The following CLIC4 variants were observed in gnomAD, a reference collection of about 807,000 sequenced individuals.
CLIC4 encodes the protein CLIC family member 4.
A neutral mutation model predicts 24.6 loss-of-function variants in CLIC4; 13 were observed. The ratio of observed to expected loss-of-function variants is 0.53; its 90% CI spans 0.34 to 0.84. The LOEUF (loss-of-function observed/expected upper bound fraction) is 0.84. Ranked by LOEUF, CLIC4 falls within the 40% of genes least tolerant of loss-of-function variation. The pLI is 0.01. For synonymous variants in CLIC4, 104 were observed against 111.3 expected, an observed-to-expected ratio of 0.93 and a Z score of 0.41; for missense variants, 227 against 301.7, an observed-to-expected ratio of 0.75 and a Z score of 1.83.
At chr1:24,789,453 G>A (rs1639308502) in intron 1 of CLIC4, among the ~76,000 whole-genome samples, 1 of 152,212 alleles carries the variant, frequency 6.6e-6, no homozygotes, top group African/African-American at 2.4e-5. Flanking sequence ...AGGAGGCAGA[G>A]GTTGCAGTGA....
intron 2 of CLIC4, among the ~76,000 whole-genome samples, chr1:24,807,912 A>G (rs1168185809): frequency 6.6e-6 from 1 of 152,024 alleles, no homozygotes; most frequent in Non-Finnish European, 1.5e-5. Flanking sequence ...ATTGTTTTCC[A>G]GGTAATCACA....
intron 1 of CLIC4, among the ~76,000 whole-genome samples, chr1:24,762,169 G>A (rs1479051173): frequency 6.6e-6 from 1 of 152,158 alleles, no homozygotes; most frequent in Admixed American, 6.6e-5. Flanking sequence ...TATAATCCCA[G>A]CACTATGGAA....
chr1:24,808,679 T>A (rs1311369985), intron 2 of CLIC4, among the ~76,000 whole-genome samples: 6 of 23,104 alleles, frequency 2.6e-4, no homozygotes, highest in Middle Eastern at 0.012. Context: ...ATCTATAAAA[T>A]TTTTTTTTTT....
chr1:24,757,237 G>A (rs1638864005), intron 1 of CLIC4, among the ~76,000 whole-genome samples: 1 of 152,050 alleles, frequency 6.6e-6, no homozygotes, highest in Non-Finnish European at 1.5e-5. Flanking sequence ...CACCATGTTG[G>A]GTAGGCTGAT....
chr1:24,745,871 G>A (rs1332229361), intron 1 of CLIC4, among the ~76,000 whole-genome samples: 1 of 151,458 alleles, frequency 6.6e-6, no homozygotes, highest in East Asian at 2.0e-4. Flanking sequence ...AGGCATCGGC[G>A]GACGCCAGAC....
intron 1 of CLIC4, among the ~76,000 whole-genome samples, chr1:24,752,407 C>T (rs143723467): frequency 8.5e-5 from 13 of 152,188 alleles, no homozygotes; most frequent in South Asian, 2.1e-4. Flanking sequence ...TTAAGGGACC[C>T]GGGCTCTTTC....
At chr1:24,825,805 A>T (rs1423933472) in intron 3 of CLIC4, among the ~76,000 whole-genome samples, 2 of 152,248 alleles carry the variant, frequency 1.3e-5, no homozygotes, top group Admixed American at 6.5e-5. Context: ...CTGAATTTTG[A>T]AAACTACTTC....
chr1:24,787,965 C>T (rs890248223), intron 1 of CLIC4, among the ~76,000 whole-genome samples: 17 of 151,848 alleles, frequency 1.1e-4, no homozygotes, highest in Non-Finnish European at 1.6e-4. Flanking sequence ...AAGTGATTCT[C>T]CTCCCTCAGC....
chr1:24,791,851 G>A (rs953989837), intron 1 of CLIC4, among the ~76,000 whole-genome samples: 1 of 151,708 alleles, frequency 6.6e-6, no homozygotes, highest in African/African-American at 2.4e-5. Flanking sequence ...ACTCCAGCCT[G>A]GGTGACAAGA....
chr1:24,791,357 G>C (rs1009633347), intron 1 of CLIC4, among the ~76,000 whole-genome samples: 1 of 152,022 alleles, frequency 6.6e-6, no homozygotes, highest in African/African-American at 2.4e-5. Flanking sequence ...TACTAAACAG[G>C]GTAATTTTGA....
intron 2 of CLIC4, among the ~76,000 whole-genome samples, 175 bp from the exon 3 acceptor site, chr1:24,813,919 T>C (rs1045939218): frequency 6.6e-6 from 1 of 152,074 alleles, no homozygotes; most frequent in African/African-American, 2.4e-5. Context: ...GATCTTACCA[T>C]GTTGCCCAGG....
intron 4 of CLIC4, among the ~76,000 whole-genome samples, chr1:24,838,320 C>A (rs1461831645): frequency 3.3e-5 from 5 of 152,116 alleles, no homozygotes; most frequent in Non-Finnish European, 5.9e-5. Flanking sequence ...CATCTTCCCC[C>A]CTTTCTCCAT....
chr1:24,787,235 C>G (rs1639278693), intron 1 of CLIC4, among the ~76,000 whole-genome samples: 1 of 152,020 alleles, frequency 6.6e-6, no homozygotes, highest in Non-Finnish European at 1.5e-5. Flanking sequence ...TGGCTCACAC[C>G]TGTAATCCCA....
chr1:24,790,444 T>G (rs1350740914), intron 1 of CLIC4, among the ~76,000 whole-genome samples: 1 of 152,258 alleles, frequency 6.6e-6, no homozygotes, highest in East Asian at 1.9e-4. Flanking sequence ...TAAATAAATT[T>G]AATACTTCTG....
At chr1:24,749,162 C>T (rs1571225746) in intron 1 of CLIC4, among the ~76,000 whole-genome samples, 1 of 151,058 alleles carries the variant, frequency 6.6e-6, no homozygotes, top group Non-Finnish European at 1.5e-5. Context: ...TGCAGTGAGC[C>T]GAGATAGTGC....
chr1:24,746,694 G>A (rs1160399417), intron 1 of CLIC4, among the ~76,000 whole-genome samples: 2 of 152,136 alleles, frequency 1.3e-5, no homozygotes, highest in African/African-American at 4.8e-5. Context: ...TTAAAGAAAG[G>A]ACATTTCAGG....
intron 1 of CLIC4, among the ~76,000 whole-genome samples, chr1:24,775,829 T>A (rs1377536627): frequency 6.9e-6 from 1 of 144,786 alleles, no homozygotes; most frequent in Non-Finnish European, 1.5e-5. Context: ...CTTGATTACT[T>A]TTTTTTTTTT....
intron 1 of CLIC4, among the ~76,000 whole-genome samples, chr1:24,754,486 AG>A (rs1638817344): frequency 6.6e-6 from 1 of 152,178 alleles, no homozygotes; most frequent in East Asian, 1.9e-4. Context: ...TGTGTTAGGC[AG>A]GATGGGAAGT....
chr1:24,811,109 C>A (rs767599188), intron 2 of CLIC4, among the ~76,000 whole-genome samples: 30 of 151,500 alleles, frequency 2.0e-4, no homozygotes, highest in Admixed American at 5.9e-4. Flanking sequence ...TTTACTAATT[C>A]ATTAAATATA....
Sources: allele counts gnomAD v4.1 joint callset (sites outside exome capture counted in the v4.1 genomes callset), GRCh38; gene constraint gnomAD v4.1.1; transcripts MANE v1.5; gene names NCBI Gene and HGNC (gene_info 2026-07-23, HGNC 2026-07-21).